Variants in OTUD3 observed in about 807,000 individuals in gnomAD.
OTUD3 encodes the protein OTU domain-containing protein 3.
In OTUD3, 24 loss-of-function variants were observed where a neutral mutation model predicts 46.2. That is an observed-to-expected ratio of 0.52 (90% CI 0.38 to 0.73). OTUD3 has a LOEUF of 0.73. Among genes scored for constraint, OTUD3 ranks in the 30% least tolerant of loss-of-function variants. OTUD3 has a pLI of 0.00. For synonymous variants in OTUD3, 189 were observed against 195.4 expected (o/e 0.97, Z 0.27); for missense variants, 455 against 523.3 (o/e 0.87, Z 1.27).
chr1:19,890,604 C>T, intron 2 of OTUD3, 71 bp downstream of exon 2: 1 of 1,330,138 alleles, frequency 7.5e-7, no homozygotes. Flanking sequence ...TGGCATCCTC[C>T]CCCCTCCCAG....
chr1:19,894,672 G>T (rs886124542), intron 3 of OTUD3, among the ~76,000 whole-genome samples, 192 bp downstream of exon 3: 1 of 152,224 alleles, frequency 6.6e-6, no homozygotes, highest in Non-Finnish European at 1.5e-5. Context: ...GGAGTCCGGA[G>T]TATAATTTAG....
chr1:19,898,117 T>C (rs2045540993), intron 4 of OTUD3, among the ~76,000 whole-genome samples: 1 of 151,670 alleles, frequency 6.6e-6, no homozygotes, highest in Non-Finnish European at 1.5e-5. Context: ...CCCGGCTAAT[T>C]TTGTATTTTT....
At chr1:19,890,112 T>C (rs1021726306) in intron 1 of OTUD3, among the ~76,000 whole-genome samples, 1 of 152,202 alleles carries the variant, frequency 6.6e-6, no homozygotes, top group Admixed American at 6.5e-5. Context: ...TTGAAGCAGC[T>C]GAGGCCCAGG....
chr1:19,886,955 T>G (rs978564760), intron 1 of OTUD3, among the ~76,000 whole-genome samples: 2 of 152,218 alleles, frequency 1.3e-5, no homozygotes, highest in East Asian at 1.9e-4. Flanking sequence ...TTCTAGTAAC[T>G]ACATTAAAAA....
intron 1 of OTUD3, among the ~76,000 whole-genome samples, chr1:19,888,826 T>G (rs1161182463): frequency 6.6e-6 from 1 of 152,210 alleles, no homozygotes; most frequent in Non-Finnish European, 1.5e-5. Flanking sequence ...TTGTGTGTGT[T>G]TCTGTGTCTG....
intron 6 of OTUD3, among the ~76,000 whole-genome samples, chr1:19,906,216 G>A (rs920380213): frequency 5.9e-5 from 9 of 152,202 alleles, no homozygotes; most frequent in Non-Finnish European, 1.0e-4. Flanking sequence ...CTGATCAAAA[G>A]GCTGGTCAGT....
chr1:19,887,209 T>C lies in OTUD3; in HGVS notation c.222-3176T>C, dbSNP rs540731868. ...AAGCGATTCTCCTGCCTCGGCCTCC[T>C]GTGTAGCTGGGATTACAGGCATGCG... On this transcript the variant is annotated intron_variant, in intron 1 of 7. Transcript: ENST00000375120. Among the ~76,000 whole-genome samples, 5 of 152,044 alleles carry C rather than the reference T, an allele frequency of 3.3e-5. No individual in the cohort carries two copies. The South Asian group carries it at 8.3e-4, about 25-fold the overall frequency.
At position 19,911,677 on chromosome 1, in the gene OTUD3, C is replaced by T. The variant is rs574940216; in HGVS notation, c.*3931C>T. ...TGCTAGGATTACGGGTGTGAGCAAC[C>T]CTGCCCGGCCAGTAAATTGTATTTT... On this transcript the variant is annotated 3_prime_UTR_variant, in exon 8 of 8. Transcript: ENST00000375120. 1 of 152,292 alleles carries T rather than the reference C, an allele frequency of 6.6e-6. No homozygotes were observed. Among genetic ancestry groups the T allele is most frequent in the Admixed American group, 6.5e-5 (1 of 15,286 alleles). The allele number at this position is 152,292 out of a possible 1,614,324, so 9.4% of individuals were successfully genotyped here. A position where few individuals can be genotyped will look rare whatever the true frequency, so the allele number is the denominator to read the frequency against.
chr1:19,889,290 CA>C (rs202060582), intron 1 of OTUD3, among the ~76,000 whole-genome samples: 2,795 of 137,710 alleles, frequency 0.02, 69 homozygotes, highest in African/African-American at 0.063. Flanking sequence ...CCCTCCCCTG[CA>C]AAAAAAAAAA....
At position 19,890,435 on chromosome 1, in the gene OTUD3, A is replaced by G; in HGVS notation, c.272A>G (p.Asn91Ser). 1.9e-6 allele frequency: 3 copies of G among 1,614,034 alleles called. No individual in the cohort carries two copies. Among genetic ancestry groups the G allele is most frequent in the Non-Finnish European group, 2.5e-6 (3 of 1,179,882 alleles). The change falls in exon 2 of 8, where the codon AAT becomes AGT. Residue 91 changes from asparagine to serine, a missense_variant. Coordinates refer to ENST00000375120, the MANE Select transcript of OTUD3 (RefSeq NM_015207.2). ...GATCAATTGGAGGGACACTCACGAA[A>G]TCATCTCAAGCACAGACAGGAGACA... ...LGDQLEGHSRNHLKHRQETVD... is the reference protein window; with the variant it reads ...LGDQLEGHSRSHLKHRQETVD...
rs902383948 is a variant in OTUD3, at chr1:19,884,768, C to T, written c.221+2034C>T. On this transcript the variant is annotated intron_variant, in intron 1 of 7. Transcript: ENST00000375120. ...ACATTACATCTTAGTTTTGAACTCA[C>T]GGATACCCTGAAAGCATATCAGAGA... Among the ~76,000 whole-genome samples, 3 of 152,174 alleles carry T rather than the reference C, an allele frequency of 2.0e-5. No individual in the cohort carries two copies. The South Asian group carries it at 6.2e-4, about 32-fold the overall frequency.
At chr1:19,893,688 A>C (rs2045480130) in intron 2 of OTUD3, among the ~76,000 whole-genome samples, 1 of 152,226 alleles carries the variant, frequency 6.6e-6, no homozygotes, top group African/African-American at 2.4e-5. Flanking sequence ...TGGGAATTCC[A>C]GAGGTTTAGA....
At chr1:19,899,235 C>T (rs752139392) in intron 4 of OTUD3, among the ~76,000 whole-genome samples, 29 of 152,212 alleles carry the variant, frequency 1.9e-4, no homozygotes, top group Admixed American at 8.5e-4. Context: ...TGGATGCAAT[C>T]AGTGGTATTA....
At chr1:19,901,047 T>C in intron 4 of OTUD3, among the ~76,000 whole-genome samples, 1 of 151,548 alleles carries the variant, frequency 6.6e-6, no homozygotes. Context: ...GTAGCTGGGA[T>C]TACAGGCGCT....
intron 1 of OTUD3, 130 bp downstream of exon 1, chr1:19,882,864 G>C: frequency 2.5e-6 from 2 of 792,820 alleles, no homozygotes; most frequent in Non-Finnish European, 3.5e-6. Context: ...AGCCAGCCAC[G>C]CTCCGAGTGC....
rs2045698747 is a variant in OTUD3, at chr1:19,908,755, G to A, written c.*1009G>A. ...GATACGTGGTAACTTGACCTTATAG[G>A]TCGCTAAACTTAGTATTGTGGAAAT... On this transcript the variant is annotated 3_prime_UTR_variant, in exon 8 of 8. Coordinates refer to ENST00000375120, the MANE Select transcript of OTUD3 (RefSeq NM_015207.2). The A allele has an allele frequency of 1.3e-5, 2 of 152,320 alleles. No individual in the cohort carries two copies. The highest frequency in any genetic ancestry group is 2.9e-5 in the Non-Finnish European group (2 of 68,038). 9.4% of individuals were successfully genotyped at this position (152,320 alleles called of 1,614,324 possible).
chr1:19,884,230 A>G (rs977865634), intron 1 of OTUD3, among the ~76,000 whole-genome samples: 1 of 152,156 alleles, frequency 6.6e-6, no homozygotes, highest in Admixed American at 6.5e-5. Flanking sequence ...TATACTGGGT[A>G]TGGTATTCTC....
At chr1:19,898,620 C>T (rs562548904) in intron 4 of OTUD3, among the ~76,000 whole-genome samples, 4 of 151,290 alleles carry the variant, frequency 2.6e-5, no homozygotes, top group South Asian at 2.1e-4. Flanking sequence ...CCCAGCTACT[C>T]GGGAGGCTGA....
intron 4 of OTUD3, among the ~76,000 whole-genome samples, chr1:19,902,322 C>T (rs1430453866): frequency 2.0e-5 from 3 of 152,194 alleles, no homozygotes; most frequent in African/African-American, 7.2e-5. Flanking sequence ...TCTTCTGCCT[C>T]AGCCTCCCGA....
Sources: gnomAD v4.1 joint callset for allele counts (sites outside exome capture counted in the v4.1 genomes callset) on GRCh38, gnomAD v4.1.1 for gene constraint, MANE v1.5 for transcripts, NCBI Gene and HGNC (gene_info 2026-07-23, HGNC 2026-07-21) for gene names.